SPATA6L: variants seen among roughly 807,000 people sequenced by gnomAD.
The protein encoded by SPATA6L is spermatogenesis associated 6-like protein.
Under a neutral mutation model 49.2 loss-of-function variants are expected in SPATA6L, and 68 were observed. The observed-to-expected ratio is 1.38, with a 90% CI of 1.14 to 1.69. The LOEUF (loss-of-function observed/expected upper bound fraction) is 1.69, where lower values mean the gene tolerates loss of function less well. Ranked by LOEUF, SPATA6L falls within the 40% of genes most tolerant of loss-of-function variation. The pLI, the probability that SPATA6L is intolerant of heterozygous loss-of-function variation, is 0.00. For missense variants in SPATA6L, 668 were observed against 464.3 expected (o/e 1.44, Z -4.03); for synonymous variants, 198 against 165.7 (o/e 1.19, Z -1.50).
chr9:4,666,438 CGAAGCTGGAG>C lies in SPATA6L; in HGVS notation c.-198_-189del. 1.6e-6 allele frequency: 1 copy of C among 632,526 alleles called. No individual in the cohort carries two copies. Among genetic ancestry groups the C allele is most frequent in the Non-Finnish European group, 2.8e-6 (1 of 351,090 alleles). 39.2% of individuals were successfully genotyped at this position (632,526 alleles called of 1,614,324 possible). ...CCCACCGGGACGGGTCTCTCACACTCGAAGCTGGAGTGCAGGCTTCCAGAAGGCGGAAGCG... is the reference window on the plus strand; with the variant it reads ...CCCACCGGGACGGGTCTCTCACACTCTGCAGGCTTCCAGAAGGCGGAAGCG... On this transcript the variant is annotated 5_prime_UTR_variant, in exon 1 of 12. Transcript: ENST00000682582.
chr9:4,656,961 GGAAAGA>G (rs145013578), intron 2 of SPATA6L, among the ~76,000 whole-genome samples: 10,828 of 152,142 alleles, frequency 0.071, 881 homozygotes, highest in African/African-American at 0.19. Context: ...CATAGAATAA[GGAAAGA>G]AAGAGAGAAG....
At chr9:4,664,033 G>A (rs983016169) in intron 1 of SPATA6L, 1 of 167,070 alleles carries the variant, frequency 6.0e-6, no homozygotes, top group Non-Finnish European at 1.5e-5. Flanking sequence ...CACTTAAAAG[G>A]TAGGCATATC....
Position 4,662,921 on chromosome 9 carries a change from G to T in SPATA6L, c.40-885C>A, listed in dbSNP as rs1337480012. The T allele has an allele frequency of 1.2e-6, 2 of 1,610,408 alleles. No homozygotes were observed. The highest frequency in any genetic ancestry group is 1.7e-5 in the Admixed American group (1 of 60,014). Reference sequence around the variant, plus strand: ...TGTTGGACCTGCTGCTGGTGGCCTTGATCAAAGGGCTGGTCCGCAGGCGCC... The same window carrying T: ...TGTTGGACCTGCTGCTGGTGGCCTTTATCAAAGGGCTGGTCCGCAGGCGCC... On this transcript the variant is annotated intron_variant, in intron 1 of 11. Coordinates refer to ENST00000682582, the MANE Select transcript of SPATA6L (RefSeq NM_001353486.2). The surrounding 1 kb of genome is among the most constrained non-coding windows in gnomAD (Gnocchi z 4.9).
chr9:4,591,039 G>C (rs1261230537), intron 13 of SPATA6L, among the ~76,000 whole-genome samples: 1 of 152,156 alleles, frequency 6.6e-6, no homozygotes, highest in African/African-American at 2.4e-5. Flanking sequence ...AAGGTGTGAG[G>C]AGTCTGGAGA....
chr9:4,593,799 G>A (rs151019190), downstream of SPATA6L, among the ~76,000 whole-genome samples: 3 of 152,220 alleles, frequency 2.0e-5, no homozygotes, highest in East Asian at 1.9e-4. Flanking sequence ...CCGCCTGACC[G>A]TTTTCCACCA....
At chr9:4,629,223 A>G in intron 4 of SPATA6L, 55 bp from the exon 5 acceptor site, 1 of 1,242,178 alleles carries the variant, frequency 8.1e-7, no homozygotes, top group East Asian at 2.4e-5. Flanking sequence ...TTCTTTAGCC[A>G]TCTCCTTCTA....
intron 2 of SPATA6L, among the ~76,000 whole-genome samples, chr9:4,659,101 T>G (rs1158051620): frequency 6.6e-6 from 1 of 152,218 alleles, no homozygotes; most frequent in Non-Finnish European, 1.5e-5. Flanking sequence ...TCCTTTAGAT[T>G]CTGAGTATAT....
intron 9 of SPATA6L, among the ~76,000 whole-genome samples, chr9:4,611,712 T>C (rs1390317140): frequency 6.6e-6 from 1 of 150,610 alleles, no homozygotes; most frequent in Admixed American, 6.6e-5. Flanking sequence ...GACGAGTTAG[T>C]GGGTGCAGCG....
chr9:4,639,858 A>T (rs1175216971), intron 3 of SPATA6L, among the ~76,000 whole-genome samples: 2 of 152,216 alleles, frequency 1.3e-5, no homozygotes, highest in Non-Finnish European at 2.9e-5. Context: ...CAGATGCAGG[A>T]TCACATTTGA....
At chr9:4,627,992 C>A in intron 5 of SPATA6L, 1 of 372,036 alleles carries the variant, frequency 2.7e-6, no homozygotes, top group South Asian at 2.1e-5. Context: ...GTGAAATAAG[C>A]CAGGCACAGA....
At chr9:4,654,028 G>A (rs1375801070) in intron 3 of SPATA6L, among the ~76,000 whole-genome samples, 1 of 152,126 alleles carries the variant, frequency 6.6e-6, no homozygotes, top group Non-Finnish European at 1.5e-5. Flanking sequence ...TACACAAATG[G>A]CCAAATATCT....
intron 9 of SPATA6L, among the ~76,000 whole-genome samples, chr9:4,607,658 A>T (rs1250486506): frequency 6.6e-6 from 1 of 152,120 alleles, no homozygotes; most frequent in Non-Finnish European, 1.5e-5. Flanking sequence ...TAAACATGGA[A>T]AGGAACAACC....
chr9:4,615,153 A>G (rs1827675911), intron 9 of SPATA6L, among the ~76,000 whole-genome samples: 1 of 151,982 alleles, frequency 6.6e-6, no homozygotes, highest in African/African-American at 2.4e-5. Flanking sequence ...TGAAAGCATC[A>G]CCTCCTCCAT....
At chr9:4,620,513 A>G (rs1829042853) in intron 7 of SPATA6L, among the ~76,000 whole-genome samples, 1 of 152,216 alleles carries the variant, frequency 6.6e-6, no homozygotes, top group Non-Finnish European at 1.5e-5. Flanking sequence ...GCCCCAGGTG[A>G]TTCAACTGCA....
At chr9:4,618,180 G>A in intron 8 of SPATA6L, 70 bp from the exon 9 acceptor site, 1 of 1,362,392 alleles carries the variant, frequency 7.3e-7, no homozygotes, top group South Asian at 1.4e-5. Flanking sequence ...TGGGGGTGGG[G>A]GTTGGACAAG....
intron 7 of SPATA6L, among the ~76,000 whole-genome samples, 179 bp from the exon 8 acceptor site, chr9:4,619,077 A>G (rs1006237939): frequency 3.3e-5 from 5 of 151,570 alleles, no homozygotes; most frequent in Non-Finnish European, 4.4e-5. Flanking sequence ...AGCCACTTCA[A>G]TTCTCCGGGT....
At chr9:4,627,315 A>C (rs944346870) in intron 5 of SPATA6L, 3 of 160,120 alleles carry the variant, frequency 1.9e-5, no homozygotes, top group African/African-American at 4.8e-5. Context: ...AGAGAGGATA[A>C]ATAAGGCAAA....
chr9:4,655,968 G>C (rs1367329606), intron 3 of SPATA6L, 73 bp downstream of exon 3: 2 of 1,145,126 alleles, frequency 1.7e-6, no homozygotes, highest in African/African-American at 1.6e-5. Flanking sequence ...GTTTAGAAAA[G>C]AGCAGAGTTT....
chr9:4,614,993 A>T (rs1316854546), intron 9 of SPATA6L, among the ~76,000 whole-genome samples: 2 of 152,152 alleles, frequency 1.3e-5, no homozygotes, highest in Non-Finnish European at 2.9e-5. Context: ...GTCAGCCAAC[A>T]AAGGTCCCCC....
Sources: gnomAD v4.1 joint callset for allele counts (sites outside exome capture counted in the v4.1 genomes callset) on GRCh38, gnomAD v4.1.1 for gene constraint, Gnocchi (gnomAD v3.1) non-coding constraint, MANE v1.5 for transcripts, NCBI Gene and HGNC (gene_info 2026-07-23, HGNC 2026-07-21) for gene names.